The following DCDC1 variants were observed in gnomAD, a reference collection of about 807,000 sequenced individuals.
The protein encoded by DCDC1 is doublecortin domain-containing protein 1.
Under a neutral mutation model 178.3 loss-of-function variants are expected in DCDC1, and 200 were observed. The ratio of observed to expected loss-of-function variants is 1.12; its 90% CI spans 1.00 to 1.26. The LOEUF (loss-of-function observed/expected upper bound fraction) is 1.26. Among genes scored for constraint, DCDC1 ranks in the 50% most tolerant of loss-of-function variants. The pLI is 0.00. For synonymous variants in DCDC1, 690 were observed against 604.8 expected, an observed-to-expected ratio of 1.14 and a Z score of -2.07; for missense variants, 1,983 against 1,749.2, an observed-to-expected ratio of 1.13 and a Z score of -2.38.
chr11:30,936,746 A>G (rs1388869528), intron 21 of DCDC1, among the ~76,000 whole-genome samples: 2 of 152,190 alleles, frequency 1.3e-5, no homozygotes, highest in Non-Finnish European at 2.9e-5. Context: ...CTGGGGGAAG[A>G]TGCCTGCAGC....
chr11:30,897,636 A>T (rs1403845660), intron 34 of DCDC1, among the ~76,000 whole-genome samples: 1 of 151,940 alleles, frequency 6.6e-6, no homozygotes, highest in African/African-American at 2.4e-5. Flanking sequence ...AAAACTGAAG[A>T]CAATATAAAA....
intron 5 of DCDC1, 31 bp downstream of exon 5, chr11:31,306,201 A>G: frequency 1.4e-6 from 2 of 1,438,564 alleles, no homozygotes; most frequent in Non-Finnish European, 1.8e-6. Flanking sequence ...GAAAAAAAAT[A>G]AAGCACAGAA....
At chr11:31,164,421 A>C (rs1591278376) in intron 9 of DCDC1, among the ~76,000 whole-genome samples, 1 of 152,340 alleles carries the variant, frequency 6.6e-6, no homozygotes, top group Non-Finnish European at 1.5e-5. Context: ...AGGAGATAGC[A>C]GCTCCATGCA....
At chr11:31,052,610 C>G (rs538438313) in intron 20 of DCDC1, among the ~76,000 whole-genome samples, 1 of 152,060 alleles carries the variant, frequency 6.6e-6, no homozygotes, top group Non-Finnish European at 1.5e-5. Flanking sequence ...GGCCATAAAA[C>G]GAGCCTCAAT....
At chr11:31,161,108 C>T (rs1966280351) in intron 9 of DCDC1, among the ~76,000 whole-genome samples, 1 of 152,230 alleles carries the variant, frequency 6.6e-6, no homozygotes, top group South Asian at 2.1e-4. Flanking sequence ...CAGCCTGACC[C>T]AGCCTGTGAA....
At chr11:31,288,589 T>C (rs962025415) in intron 7 of DCDC1, among the ~76,000 whole-genome samples, 4 of 152,030 alleles carry the variant, frequency 2.6e-5, no homozygotes, top group African/African-American at 9.6e-5. Flanking sequence ...TCTCAATAAA[T>C]CTCTTCTTAT....
At chr11:31,078,011 T>G in intron 17 of DCDC1, 86 bp from the exon 18 acceptor site, 3 of 713,946 alleles carry the variant, frequency 4.2e-6, no homozygotes, top group Non-Finnish European at 7.7e-6. Context: ...ATTTTCCAGA[T>G]AGCCTGGCAG....
At chr11:31,284,623 A>G (rs746835853) in intron 7 of DCDC1, among the ~76,000 whole-genome samples, 13 of 152,024 alleles carry the variant, frequency 8.6e-5, no homozygotes, top group Non-Finnish European at 1.8e-4. Context: ...TTTAACTTTC[A>G]AATTTAATAT....
chr11:30,898,234 C>G (rs1237192977), intron 34 of DCDC1, among the ~76,000 whole-genome samples: 1 of 152,156 alleles, frequency 6.6e-6, no homozygotes, highest in Non-Finnish European at 1.5e-5. Context: ...CCTAGAGTAT[C>G]ATAATACCTT....
At chr11:30,910,369 G>T (rs756333179) in intron 28 of DCDC1, among the ~76,000 whole-genome samples, 2 of 152,132 alleles carry the variant, frequency 1.3e-5, no homozygotes, top group Non-Finnish European at 2.9e-5. Flanking sequence ...TGACAGAGAA[G>T]AATGTAATGT....
At position 30,915,517 on chromosome 11, in the gene DCDC1, T is replaced by C. The variant is rs766660397; in HGVS notation, c.3647A>G (p.Asp1216Gly). The C allele has an allele frequency of 6.2e-7, 1 of 1,613,932 alleles. No homozygotes were observed. The highest frequency in any genetic ancestry group is 1.7e-5 in the Admixed American group (1 of 60,024). ...GSHQRWIHQEDSRTFHLVSNP... is the reference protein window; with the variant it reads ...GSHQRWIHQEGSRTFHLVSNP... The stretch of plus-strand genomic sequence containing the variant: ...CCAAATATAATGGGATTACCTGCTG[T>C]CTTCCTGGTGTATCCAGCGCTGATG... The change falls in exon 27 of 39, where the codon GAC becomes GGC. Residue 1216 changes from aspartate to glycine, a missense_variant. Physicochemically the swap from Asp to Gly is moderately conservative, Grantham distance 94 (BLOSUM62 -1). Transcript: ENST00000684477.
chr11:31,126,990 C>A (rs1486522626), intron 11 of DCDC1, among the ~76,000 whole-genome samples: 2 of 152,152 alleles, frequency 1.3e-5, no homozygotes, highest in Non-Finnish European at 2.9e-5. Flanking sequence ...ACCAAGTGAA[C>A]TCCAACATGT....
At chr11:31,294,516 G>C (rs1031252513) in intron 6 of DCDC1, among the ~76,000 whole-genome samples, 5 of 148,262 alleles carry the variant, frequency 3.4e-5, no homozygotes, top group African/African-American at 1.3e-4. Flanking sequence ...TCGGGAGGCA[G>C]AGGTTGCAGT....
intron 1 of DCDC1, among the ~76,000 whole-genome samples, chr11:31,351,022 T>A (rs1330710149): frequency 6.6e-6 from 1 of 152,000 alleles, no homozygotes; most frequent in African/African-American, 2.4e-5. Context: ...AAATATTAAG[T>A]CATAAAAACA....
chr11:31,328,945 CTTTTTTTTTTTTTTTTTTTT>C, intron 2 of DCDC1, among the ~76,000 whole-genome samples: 1 of 47,802 alleles, frequency 2.1e-5, no homozygotes, highest in South Asian at 7.9e-4. Context: ...CACCACAAGG[CTTTTTTTTTTTTTTTTTTTT>C]TTTTTTTTTG....
chr11:31,274,505 G>A (rs1178353560), intron 7 of DCDC1, among the ~76,000 whole-genome samples: 2 of 151,976 alleles, frequency 1.3e-5, no homozygotes, highest in Non-Finnish European at 2.9e-5. Context: ...AACAAGTGGA[G>A]AATATTGAGA....
At chr11:31,324,327 T>A (rs1284907377) in intron 3 of DCDC1, among the ~76,000 whole-genome samples, 1 of 152,058 alleles carries the variant, frequency 6.6e-6, no homozygotes, top group Non-Finnish European at 1.5e-5. Context: ...AAAAAGGTTT[T>A]TTACTTGTGT....
chr11:31,053,061 G>T (rs1347879415), intron 20 of DCDC1, among the ~76,000 whole-genome samples: 1 of 152,030 alleles, frequency 6.6e-6, no homozygotes, highest in African/African-American at 2.4e-5. Flanking sequence ...TCTTTGAGAA[G>T]ATAAATAAAA....
chr11:31,045,536 C>T (rs1458891225), intron 20 of DCDC1, among the ~76,000 whole-genome samples: 1 of 152,032 alleles, frequency 6.6e-6, no homozygotes, highest in Non-Finnish European at 1.5e-5. Flanking sequence ...CTGTTAGAAC[C>T]AGGAATTCGT....
Sources: gnomAD v4.1 joint callset for allele counts (sites outside exome capture counted in the v4.1 genomes callset) on GRCh38, gnomAD v4.1.1 for gene constraint, MANE v1.5 for transcripts, NCBI Gene and HGNC (gene_info 2026-07-23, HGNC 2026-07-21) for gene names.